FRAS1: variants seen among roughly 807,000 people sequenced by gnomAD.
FRAS1 encodes extracellular matrix organizing protein FRAS1.
In FRAS1, 290 loss-of-function variants were observed where a neutral mutation model predicts 435.2. The observed-to-expected ratio is 0.67, with a 90% CI of 0.61 to 0.73. The LOEUF (loss-of-function observed/expected upper bound fraction) is 0.73, where lower values mean the gene tolerates loss of function less well. Ranked by LOEUF, FRAS1 falls within the 30% of genes least tolerant of loss-of-function variation. FRAS1 has a pLI of 0.00. For synonymous variants in FRAS1, 1,800 were observed against 1,851.0 expected, an observed-to-expected ratio of 0.97 and a Z score of 0.71; for missense variants, 4,860 against 5,001.5, an observed-to-expected ratio of 0.97 and a Z score of 0.85.
At chr4:78,494,066 T>C (rs1331313702) in intron 59 of FRAS1, among the ~76,000 whole-genome samples, 1 of 152,172 alleles carries the variant, frequency 6.6e-6, no homozygotes, top group African/African-American at 2.4e-5. Context: ...TTTTCCCTGC[T>C]CATCAATCTA....
At position 78,496,936 on chromosome 4, in the gene FRAS1, C is replaced by T. The variant is rs1298921451; in HGVS notation, c.9090C>T (p.Thr3030=). 1.2e-6 allele frequency: 2 copies of T among 1,613,522 alleles called. No individual in the cohort carries two copies. Among genetic ancestry groups the T allele is most frequent in the Non-Finnish European group, 1.7e-6 (2 of 1,179,572 alleles). ...GAATTGGAAAGAATAACATGGCCAC[C>T]ATCACCATATCCAATGATGAAGATG... The part of the protein sequence containing the change: ...GARIGKNNMA[T]ITISNDEDAP... Residue 3030 remains threonine, a synonymous_variant, in exon 60 of 74, where the codon ACC becomes ACT. Transcript: ENST00000512123.
intron 2 of FRAS1, among the ~76,000 whole-genome samples, chr4:78,116,093 T>C (rs1218997790): frequency 6.6e-6 from 1 of 152,210 alleles, no homozygotes; most frequent in Admixed American, 6.5e-5. Flanking sequence ...ATGTACCCAG[T>C]AGTCATTCAG....
chr4:78,265,278 A>C (rs965963795), intron 7 of FRAS1, among the ~76,000 whole-genome samples, 170 bp downstream of exon 7: 1 of 152,198 alleles, frequency 6.6e-6, no homozygotes, highest in Non-Finnish European at 1.5e-5. Context: ...TTGTAGGAAA[A>C]AATTAAGTTG....
intron 2 of FRAS1, 99 bp downstream of exon 2, chr4:78,066,115 G>C: frequency 1.2e-6 from 1 of 842,762 alleles, no homozygotes; most frequent in South Asian, 1.5e-5. Context: ...TGTAGAATAT[G>C]TTTATTTTTC....
At chr4:78,538,104 A>G (rs898652737) in intron 72 of FRAS1, among the ~76,000 whole-genome samples, 1 of 152,224 alleles carries the variant, frequency 6.6e-6, no homozygotes, top group Admixed American at 6.5e-5. Flanking sequence ...TTTCCCTGAG[A>G]TTACAAAAAT....
At position 78,445,542 on chromosome 4, in the gene FRAS1, A is replaced by G; in HGVS notation, c.5686A>G (p.Thr1896Ala). 6.3e-7 allele frequency: 1 copy of G among 1,579,134 alleles called. No individual in the cohort carries two copies. The highest frequency in any genetic ancestry group is 8.6e-7 in the Non-Finnish European group (1 of 1,159,372). Residue 1896 changes from threonine (T) to alanine (A), a missense_variant, in exon 42 of 74, where the codon ACT becomes GCT. Physicochemically the swap from Thr to Ala is moderately conservative, Grantham distance 58. Transcript: ENST00000512123. Reference protein sequence around the residue: ...TGTGDRFGPETASDLEASFPI... With the variant: ...TGTGDRFGPEAASDLEASFPI... ...TGCAGGTGATCGTTTTGGCCCTGAA[A>G]CTGCCAGTGACCTAGAGGCATCATT... is the stretch of plus-strand genomic sequence containing the variant.
rs1460532112 is a variant in FRAS1, at chr4:78,475,466, G to A, written c.7711G>A (p.Val2571Ile). ...CAATGTCAGTGAGAAGGCAGGGTCT[G>A]TCAGTGTCACGGTGCAGAGGACTGG... ...SYNVSEKAGSVSVTVQRTGNL... is the reference protein window; with the variant it reads ...SYNVSEKAGSISVTVQRTGNL... The change falls in exon 54 of 74, where the codon GTC (valine) becomes ATC (isoleucine). Residue 2571 changes from valine (V) to isoleucine (I), a missense_variant. Val to Ile is a conservative substitution (Grantham distance 29, BLOSUM62 3). Coordinates refer to ENST00000512123, the MANE Select transcript of FRAS1 (RefSeq NM_025074.7). 3.7e-6 allele frequency: 6 copies of A among 1,613,972 alleles called. No individual in the cohort carries two copies. The highest frequency in any genetic ancestry group is 5.1e-6 in the Non-Finnish European group (6 of 1,179,856).
At chr4:78,499,593 C>A in intron 60 of FRAS1, 128 bp from the exon 61 acceptor site, 1 of 733,298 alleles carries the variant, frequency 1.4e-6, no homozygotes, top group Non-Finnish European at 2.2e-6. Flanking sequence ...TGACTGCAAG[C>A]CATTTTGCCT....
chr4:78,239,107 C>T (rs1213862334), intron 3 of FRAS1, among the ~76,000 whole-genome samples: 1 of 152,172 alleles, frequency 6.6e-6, no homozygotes, highest in Non-Finnish European at 1.5e-5. Flanking sequence ...ATGTGTGACT[C>T]TCAAAAGCTA....
intron 23 of FRAS1, among the ~76,000 whole-genome samples, chr4:78,371,244 T>C (rs17003167): frequency 0.17 from 25,502 of 152,066 alleles, 2,739 homozygotes; most frequent in East Asian, 0.33. Context: ...CTGATTCAGC[T>C]AAATAAAGGA....
At chr4:78,315,887 A>G (rs1385366083) in intron 16 of FRAS1, among the ~76,000 whole-genome samples, 153 bp downstream of exon 16, 1 of 152,214 alleles carries the variant, frequency 6.6e-6, no homozygotes, top group Non-Finnish European at 1.5e-5. Context: ...GCCAATGTGT[A>G]TTTGATATGG....
chr4:78,312,879 G>GAGAGAGAGAGAGAGAAAGAA (rs143465313), intron 15 of FRAS1, among the ~76,000 whole-genome samples: 7 of 129,164 alleles, frequency 5.4e-5, no homozygotes, highest in East Asian at 2.2e-4. Context: ...GAGAGAGAGA[G>GAGAGAGAGAGAGAGAAAGAA]AGAAAGAAAG....
chr4:78,481,844 C>G lies in FRAS1; in HGVS notation c.8484C>G (p.Leu2828=). Residue 2828 remains leucine (L), a synonymous_variant, in exon 57 of 74, where the codon CTC becomes CTG. Transcript: ENST00000512123. ...CAGTTATCCGCCATGGTACTGACCT[C>G]TCTACTTTCGCATCTGTCTGGTGTG... ...KIPVIRHGTD[L]STFASVWCAT... is the part of the protein sequence containing the mutation. The G allele has an allele frequency of 6.2e-7, 1 of 1,613,968 alleles. No homozygotes were observed. The highest frequency in any genetic ancestry group is 8.5e-7 in the Non-Finnish European group (1 of 1,179,838).
chr4:78,194,964 T>C (rs879309619), intron 2 of FRAS1, among the ~76,000 whole-genome samples: 2 of 152,228 alleles, frequency 1.3e-5, no homozygotes, highest in African/African-American at 2.4e-5. Flanking sequence ...TGGATGTCCT[T>C]TCTGTTGGTT....
chr4:78,458,050 A>G (rs1252182006), intron 47 of FRAS1, among the ~76,000 whole-genome samples: 3 of 152,214 alleles, frequency 2.0e-5, no homozygotes, highest in Non-Finnish European at 4.4e-5. Context: ...AGTTAGAGAG[A>G]GAGAGGTCAA....
At chr4:78,300,633 T>A (rs1046114516) in intron 14 of FRAS1, among the ~76,000 whole-genome samples, 2 of 152,100 alleles carry the variant, frequency 1.3e-5, no homozygotes, top group African/African-American at 2.4e-5. Flanking sequence ...GTCAATCAGA[T>A]CTTGTGTCTG....
At chr4:78,288,672 A>G (rs563994778) in intron 14 of FRAS1, among the ~76,000 whole-genome samples, 35 of 152,244 alleles carry the variant, frequency 2.3e-4, no homozygotes, top group African/African-American at 7.9e-4. Flanking sequence ...ATTTTTATGC[A>G]TAAAATAAGG....
At chr4:78,335,094 A>G (rs1400894302) in intron 19 of FRAS1, among the ~76,000 whole-genome samples, 1 of 152,156 alleles carries the variant, frequency 6.6e-6, no homozygotes, top group Non-Finnish European at 1.5e-5. Flanking sequence ...AAATTTGGCA[A>G]CTGGGACACT....
At chr4:78,531,533 A>T (rs1721715318) in intron 70 of FRAS1, among the ~76,000 whole-genome samples, 1 of 152,130 alleles carries the variant, frequency 6.6e-6, no homozygotes, top group African/African-American at 2.4e-5. Flanking sequence ...TAGTTTATGG[A>T]GAGTTTTTAG....
Sources: allele counts gnomAD v4.1 joint callset (sites outside exome capture counted in the v4.1 genomes callset), GRCh38; gene constraint gnomAD v4.1.1; transcripts MANE v1.5; gene names NCBI Gene and HGNC (gene_info 2026-07-23, HGNC 2026-07-21).